Variants in CATSPERE observed in about 807,000 individuals in gnomAD.
CATSPERE encodes cation channel sperm-associated auxiliary subunit epsilon.
In CATSPERE, 93 loss-of-function variants were observed where a neutral mutation model predicts 114.1. The ratio of observed to expected loss-of-function variants is 0.81; its 90% CI spans 0.69 to 0.97. The LOEUF (loss-of-function observed/expected upper bound fraction) is 0.97, where lower values mean the gene tolerates loss of function less well. Ranked by LOEUF, CATSPERE falls within the 50% of genes least tolerant of loss-of-function variation. The probability of loss-of-function intolerance (pLI) is 0.00; values close to 1 mark genes in which losing one functional copy is unlikely to be tolerated. For missense variants in CATSPERE, 1,058 were observed against 1,131.6 expected (o/e 0.93, Z 0.93); for synonymous variants, 341 against 384.1 (o/e 0.89, Z 1.31).
chr1:244,625,406 T>TTATATATATATATATATA (rs35736130), intron 20 of CATSPERE, among the ~76,000 whole-genome samples: 1 of 12,884 alleles, frequency 7.8e-5, no homozygotes, highest in African/African-American at 3.0e-4. Context: ...TTATTATTAT[T>TTATATATATATATATATA]TATATATATA....
intron 20 of CATSPERE, among the ~76,000 whole-genome samples, chr1:244,624,918 C>G (rs566276189): frequency 8.5e-5 from 13 of 152,342 alleles, no homozygotes; most frequent in Non-Finnish European, 1.8e-4. Context: ...GGCTCCACTT[C>G]TAATTCTACT....
At chr1:244,477,280 G>A (rs961220784) in intron 2 of CATSPERE, among the ~76,000 whole-genome samples, 3 of 152,202 alleles carry the variant, frequency 2.0e-5, no homozygotes, top group Non-Finnish European at 2.9e-5. Context: ...ACAGGCATGA[G>A]CCACTGCACC....
intron 7 of CATSPERE, among the ~76,000 whole-genome samples, chr1:244,509,238 G>A (rs925849059): frequency 6.6e-6 from 1 of 151,468 alleles, no homozygotes; most frequent in Non-Finnish European, 1.5e-5. Context: ...TTATGTTGAG[G>A]TATGTTCCTT....
chr1:244,595,912 G>A lies in CATSPERE; in HGVS notation c.2303+2334G>A, dbSNP rs368651508. ...GGCGCCACTGCACTCTAGCCTGGGCGACAGAGCGAGACTCCGTCTCAAAAA... is the reference window on the plus strand; with the variant it reads ...GGCGCCACTGCACTCTAGCCTGGGCAACAGAGCGAGACTCCGTCTCAAAAA... On this transcript the variant is annotated intron_variant, in intron 17 of 21. Coordinates refer to ENST00000366534, the MANE Select transcript of CATSPERE (RefSeq NM_001130957.2). Among the ~76,000 whole-genome samples, 15 of 152,018 alleles carry A rather than the reference G, an allele frequency of 9.9e-5. 1 individual carries two copies. Among genetic ancestry groups the A allele is most frequent in the African/African-American group, 2.4e-4 (10 of 41,414 alleles).
chr1:244,566,652 C>CTTTTTTTTTTTTTTTTTTTTTTT (rs59466928), intron 10 of CATSPERE, among the ~76,000 whole-genome samples: 5 of 49,066 alleles, frequency 1.0e-4, no homozygotes, highest in African/African-American at 1.8e-4. Flanking sequence ...GCAACCCCTG[C>CTTTTTTTTTTTTTTTTTTTTTTT]TTTTTTTTTT....
rs911132133 is a variant in CATSPERE at position 244,575,143 on chromosome 1, CTGTT to C, written c.1950+2373_1950+2376del. ...GAGCATGTGCCGCCATCTGTCTCTC[CTGTT>C]TCTTTCTGATTTTCCTTTTTACTTT... On this transcript the variant is annotated intron_variant, in intron 11 of 21. Coordinates refer to ENST00000366534, the MANE Select transcript of CATSPERE (RefSeq NM_001130957.2). This position sits in a 1 kb window ranked among gnomAD's most constrained non-coding sequence, Gnocchi z 4.5. Among the ~76,000 whole-genome samples the C allele has an allele frequency of 3.9e-5, 6 of 152,218 alleles. No individual in the cohort carries two copies. Among genetic ancestry groups the C allele is most frequent in the African/African-American group, 1.2e-4 (5 of 41,472 alleles).
intron 20 of CATSPERE, among the ~76,000 whole-genome samples, chr1:244,623,332 C>A (rs1174154221): frequency 6.6e-6 from 1 of 152,110 alleles, no homozygotes; most frequent in African/African-American, 2.4e-5. Context: ...CCCACCTTGG[C>A]CTCCCAAAGT....
rs900132229 is a variant in CATSPERE at position 244,495,699 on chromosome 1, G to A, written c.352-3303G>A. 2.0e-5 allele frequency among the ~76,000 whole-genome samples: 3 copies of A among 152,096 alleles called. 1 individual carries two copies. The highest frequency in any genetic ancestry group is 3.9e-4 in the East Asian group (2 of 5,192). On this transcript the variant is annotated intron_variant, in intron 6 of 21. Coordinates refer to ENST00000366534, the MANE Select transcript of CATSPERE (RefSeq NM_001130957.2). ...TTGCGCCACTGCATTCCCGCCTGGCGACAGAGCGAGACTCCATCTTAAAAA... is the reference window on the plus strand; with the variant it reads ...TTGCGCCACTGCATTCCCGCCTGGCAACAGAGCGAGACTCCATCTTAAAAA...
chr1:244,570,652 T>C lies in CATSPERE; in HGVS notation c.1508-1678T>C, dbSNP rs941969001. On this transcript the variant is annotated intron_variant, in intron 10 of 21. Coordinates refer to ENST00000366534, the MANE Select transcript of CATSPERE (RefSeq NM_001130957.2). Reference sequence around the variant, plus strand: ...AACTTCATATTTAAAGCAAGGATGATTTATAAGGTTTGTAGTCAGCAGTGT... The same window carrying C: ...AACTTCATATTTAAAGCAAGGATGACTTATAAGGTTTGTAGTCAGCAGTGT... Among the ~76,000 whole-genome samples, 3 of 152,324 alleles carry C rather than the reference T, an allele frequency of 2.0e-5. No homozygotes were observed. The East Asian group carries it at 5.8e-4, about 29-fold the overall frequency.
intron 19 of CATSPERE, among the ~76,000 whole-genome samples, chr1:244,615,128 G>A (rs1045506812): frequency 6.6e-6 from 1 of 150,660 alleles, no homozygotes. Context: ...AAAAGAATCT[G>A]TGCCTGTCAG....
chr1:244,582,519 CA>C (rs780921858), intron 12 of CATSPERE, among the ~76,000 whole-genome samples: 14 of 151,816 alleles, frequency 9.2e-5, no homozygotes, highest in Non-Finnish European at 5.9e-5. Context: ...TCTCCTGCCT[CA>C]GCCTCCCGAG....
chr1:244,537,385 G>A (rs1443934774), intron 8 of CATSPERE, among the ~76,000 whole-genome samples: 1 of 152,172 alleles, frequency 6.6e-6, no homozygotes, highest in Non-Finnish European at 1.5e-5. Flanking sequence ...TTTAGTCATG[G>A]TGTGCAATTC....
intron 20 of CATSPERE, among the ~76,000 whole-genome samples, chr1:244,632,817 G>A (rs1674141091): frequency 6.6e-6 from 1 of 152,042 alleles, no homozygotes; most frequent in Non-Finnish European, 1.5e-5. Context: ...AATACAAATG[G>A]TCTAAATATC....
chr1:244,476,384 T>A (rs958906996), intron 2 of CATSPERE, among the ~76,000 whole-genome samples: 2 of 152,102 alleles, frequency 1.3e-5, no homozygotes, highest in African/African-American at 4.8e-5. Flanking sequence ...TTCCCTCCCC[T>A]CCCCAAGTTT....
chr1:244,592,207 G>A (rs900269957), intron 15 of CATSPERE, among the ~76,000 whole-genome samples: 10 of 152,136 alleles, frequency 6.6e-5, no homozygotes, highest in South Asian at 2.1e-4. Flanking sequence ...AAAACTAGCC[G>A]GGCATGGTGG....
chr1:244,490,880 G>A (rs1173393866), intron 6 of CATSPERE, among the ~76,000 whole-genome samples: 1 of 151,400 alleles, frequency 6.6e-6, no homozygotes, highest in Non-Finnish European at 1.5e-5. Flanking sequence ...ATTTACCATA[G>A]TCTTGAAAAA....
chr1:244,553,365 T>C (rs1311685166), intron 9 of CATSPERE, among the ~76,000 whole-genome samples: 2 of 151,700 alleles, frequency 1.3e-5, no homozygotes, highest in Non-Finnish European at 2.9e-5. Flanking sequence ...ATGGAGACCA[T>C]GGTGAAACCC....
chr1:244,630,381 A>C (rs966402168), intron 20 of CATSPERE, among the ~76,000 whole-genome samples: 11 of 152,244 alleles, frequency 7.2e-5, no homozygotes, highest in Admixed American at 5.9e-4. Context: ...TCAGGTTGGA[A>C]TAGCAGTTTG....
chr1:244,626,634 A>G (rs1407696965), intron 20 of CATSPERE, among the ~76,000 whole-genome samples: 1 of 152,130 alleles, frequency 6.6e-6, no homozygotes, highest in African/African-American at 2.4e-5. Context: ...CAGCTTCTCC[A>G]TCAGCACTTG....
Sources: allele counts gnomAD v4.1 joint callset (sites outside exome capture counted in the v4.1 genomes callset), GRCh38; gene constraint gnomAD v4.1.1; non-coding constraint Gnocchi (gnomAD v3.1); transcripts MANE v1.5; gene names NCBI Gene and HGNC (gene_info 2026-07-23, HGNC 2026-07-21).